Variants in ORC3 observed in about 807,000 individuals in gnomAD.
ORC3 encodes homolog of latheo, Drosophila.
In ORC3, 78 loss-of-function variants were observed where a neutral mutation model predicts 100.7. The ratio of observed to expected loss-of-function variants is 0.77; its 90% confidence interval spans 0.65 to 0.94. The LOEUF is 0.94. ORC3 is among the 40% of genes least tolerant of loss of function. ORC3 has a pLI of 0.00. For synonymous variants in ORC3, 295 were observed against 289.3 expected, an observed-to-expected ratio of 1.02 and a Z score of -0.20; for missense variants, 789 against 823.9, an observed-to-expected ratio of 0.96 and a Z score of 0.52.
chr6:87,597,998 T>A (rs935982637), intron 2 of ORC3, among the ~76,000 whole-genome samples: 3 of 152,066 alleles, frequency 2.0e-5, no homozygotes, highest in Non-Finnish European at 4.4e-5. Context: ...ACTAATACAG[T>A]TGTTAATATT....
At chr6:87,602,542 A>G (rs1777983822) in intron 3 of ORC3, among the ~76,000 whole-genome samples, 1 of 150,776 alleles carries the variant, frequency 6.6e-6, no homozygotes. Context: ...TATACTTTCC[A>G]GTTTATTACT....
At chr6:87,635,414 A>G (rs1220754924) in intron 12 of ORC3, among the ~76,000 whole-genome samples, 2 of 152,248 alleles carry the variant, frequency 1.3e-5, no homozygotes, top group African/African-American at 4.8e-5. Context: ...AAACCTATCA[A>G]CCATCTGTAG....
chr6:87,674,644 T>TATATA, the ORC3 span, among the ~76,000 whole-genome samples: 2 of 133,452 alleles, frequency 1.5e-5, no homozygotes, highest in African/African-American at 6.2e-5. Context: ...ATATATATAT[T>TATATA]TTTTTTTTTT....
intron 13 of ORC3, chr6:87,651,048 T>A (rs1184075557): frequency 1.3e-5 from 5 of 392,248 alleles, no homozygotes. Flanking sequence ...TAATAACTAT[T>A]TGAATCCCTG....
At chr6:87,604,312 A>G (rs1047813234) in intron 4 of ORC3, among the ~76,000 whole-genome samples, 2 of 152,220 alleles carry the variant, frequency 1.3e-5, no homozygotes, top group Non-Finnish European at 2.9e-5. Context: ...CAGGGATCGT[A>G]TTAAAATGTA....
rs138159644 is a variant in ORC3 at position 87,605,699 on chromosome 6, A to G, written c.323-218A>G. Among the ~76,000 whole-genome samples, 380 of 151,982 alleles carry G rather than the reference A, an allele frequency of 2.5e-3. 2 individuals carry two copies. Among genetic ancestry groups the G allele is most frequent in the African/African-American group, 8.8e-3 (367 of 41,482 alleles). ...AGTGCACATCCCAGTAATTTGTTTG[A>G]AAGAGGAATTGTGCAAAATATCTTT... is the stretch of plus-strand genomic sequence containing the variant. On this transcript the variant is annotated intron_variant, in intron 4 of 19. Coordinates refer to ENST00000392844, the MANE Select transcript of ORC3 (RefSeq NM_012381.4).
chr6:87,617,633 G>A (rs981229166), intron 9 of ORC3, among the ~76,000 whole-genome samples: 1 of 152,062 alleles, frequency 6.6e-6, no homozygotes, highest in African/African-American at 2.4e-5. Flanking sequence ...CCTCGGGAGG[G>A]TGAGGTGGGA....
chr6:87,657,670 T>G (rs1328878757), intron 15 of ORC3, among the ~76,000 whole-genome samples: 1 of 152,232 alleles, frequency 6.6e-6, no homozygotes, highest in East Asian at 1.9e-4. Flanking sequence ...AATTTAGTAG[T>G]AAAGTGAACT....
Position 87,609,153 on chromosome 6 carries a change from C to T in ORC3, c.637C>T (p.Pro213Ser), listed in dbSNP as rs1778558434. 3 of 1,610,272 alleles carry T rather than the reference C, an allele frequency of 1.9e-6. No individual in the cohort carries two copies. In the Middle Eastern group the frequency reaches 5.0e-4, roughly 266 times the overall value. Residue 213 changes from proline to serine, a missense_variant, in exon 7 of 20, where the codon CCT becomes TCT. By Grantham distance (74) the Pro-to-Ser change is moderately conservative. Coordinates refer to ENST00000392844, the MANE Select transcript of ORC3 (RefSeq NM_012381.4). Reference protein sequence around the residue: ...KRTTSSQWQSPPVVVILKDME... With the variant: ...KRTTSSQWQSSPVVVILKDME... ...GACTACTTCTAGCCAATGGCAGTCT[C>T]CTCCTGTTGTCGTTATCTTGAAGGA... is the stretch of plus-strand genomic sequence containing the variant.
intron 19 of ORC3, among the ~76,000 whole-genome samples, chr6:87,666,512 C>T (rs372965538): frequency 8.3e-5 from 12 of 144,796 alleles, no homozygotes; most frequent in African/African-American, 2.6e-4. Flanking sequence ...GATCTCGGCT[C>T]ACCGCAACCT....
chr6:87,642,463 A>G (rs948579441), intron 13 of ORC3, among the ~76,000 whole-genome samples: 1 of 151,984 alleles, frequency 6.6e-6, no homozygotes, highest in Non-Finnish European at 1.5e-5. Context: ...CATGCCTGTA[A>G]TCCCAGCTAC....
At position 87,624,777 on chromosome 6, in the gene ORC3, T is replaced by C. The variant is rs538255126; in HGVS notation, c.1185+2764T>C. On this transcript the variant is annotated intron_variant, in intron 11 of 19. Transcript: ENST00000392844. ...GTTACGTGGGTATATGTGTGCCGTG[T>C]TGGTTTGCTGCACCCATCAACTCGT... Among the ~76,000 whole-genome samples, 29 of 152,276 alleles carry C rather than the reference T, an allele frequency of 1.9e-4. 1 individual carries two copies. Among genetic ancestry groups the C allele is most frequent in the Non-Finnish European group, 8.8e-5 (6 of 68,014 alleles).
chr6:87,591,800 C>T (rs1220997365), intron 1 of ORC3, among the ~76,000 whole-genome samples: 4 of 151,890 alleles, frequency 2.6e-5, no homozygotes, highest in South Asian at 2.1e-4. Flanking sequence ...GGCGCGATCT[C>T]GGCTCACTGC....
chr6:87,614,271 G>A (rs1165534482), intron 8 of ORC3, among the ~76,000 whole-genome samples: 2 of 152,184 alleles, frequency 1.3e-5, no homozygotes, highest in African/African-American at 4.8e-5. Flanking sequence ...AGCCACAGCT[G>A]GAGTGGCTAG....
chr6:87,676,596 A>AACACACACAC, the ORC3 span, among the ~76,000 whole-genome samples: 784 of 142,130 alleles, frequency 5.5e-3, 14 homozygotes, highest in African/African-American at 0.018. Context: ...CTCTACTAAA[A>AACACACACAC]ACACACACAC....
downstream of ORC3, among the ~76,000 whole-genome samples, chr6:87,671,150 T>TA: frequency 6.6e-6 from 1 of 152,232 alleles, no homozygotes; most frequent in East Asian, 1.9e-4. Context: ...AAACAAGACT[T>TA]AGACTTTTAA....
At chr6:87,644,435 G>T (rs1169149416) in intron 13 of ORC3, among the ~76,000 whole-genome samples, 2 of 152,068 alleles carry the variant, frequency 1.3e-5, no homozygotes. Context: ...GGCCAGGCAT[G>T]GTGGCTCATG....
At chr6:87,651,203 A>G (rs767044851) in intron 13 of ORC3, 1 of 456,092 alleles carries the variant, frequency 2.2e-6, no homozygotes, top group African/African-American at 2.0e-5. Flanking sequence ...ATATTCAGTT[A>G]TTTGGAGCTC....
chr6:87,653,391 A>G, intron 14 of ORC3, 142 bp downstream of exon 14: 2 of 649,324 alleles, frequency 3.1e-6, no homozygotes, highest in Non-Finnish European at 4.8e-6. Context: ...GCCTCATAGT[A>G]TCACATTTTA....
Sources: gnomAD v4.1 joint callset for allele counts (sites outside exome capture counted in the v4.1 genomes callset) on GRCh38, gnomAD v4.1.1 for gene constraint, MANE v1.5 for transcripts, NCBI Gene and HGNC (gene_info 2026-07-23, HGNC 2026-07-21) for gene names.